The following ABCA13 variants were observed in gnomAD, a reference collection of about 807,000 sequenced individuals.
ABCA13 encodes the protein ATP-binding cassette sub-family A member 13.
ABCA13 carries 476 observed loss-of-function variants against 478.7 expected under a neutral mutation model. The ratio of observed to expected loss-of-function variants is 0.99; its 90% confidence interval spans 0.92 to 1.07. ABCA13 has a LOEUF of 1.07. Among genes scored for constraint, ABCA13 ranks in the 50% least tolerant of loss-of-function variants. The pLI is 0.00. For synonymous variants in ABCA13, 2,252 were observed against 2,158.9 expected, an observed-to-expected ratio of 1.04 and a Z score of -1.20; for missense variants, 6,060 against 5,910.6, an observed-to-expected ratio of 1.03 and a Z score of -0.83.
At chr7:48,620,560 T>C (rs951819000) in intron 59 of ABCA13, among the ~76,000 whole-genome samples, 6 of 152,182 alleles carry the variant, frequency 3.9e-5, no homozygotes, top group African/African-American at 1.4e-4. Flanking sequence ...TCTCTTGACA[T>C]TGGCAAATGT....
intron 53 of ABCA13, among the ~76,000 whole-genome samples, chr7:48,521,695 A>T (rs35512908): frequency 0.084 from 12,773 of 152,206 alleles, 935 homozygotes; most frequent in African/African-American, 0.2. Context: ...TTTTTCTTTA[A>T]AGAGAAAAAT....
chr7:48,587,991 G>T (rs1039008928), intron 57 of ABCA13, among the ~76,000 whole-genome samples: 1 of 152,166 alleles, frequency 6.6e-6, no homozygotes, highest in African/African-American at 2.4e-5. Flanking sequence ...TGCATCTTTG[G>T]ACTTCACACC....
intron 23 of ABCA13, among the ~76,000 whole-genome samples, chr7:48,305,611 C>A (rs1041778166): frequency 6.6e-6 from 1 of 152,230 alleles, no homozygotes; most frequent in East Asian, 1.9e-4. Context: ...CTTTCCCAAC[C>A]TCTGAGTCTA....
chr7:48,297,069 A>G (rs1799481870), intron 21 of ABCA13, among the ~76,000 whole-genome samples, 163 bp from the exon 22 acceptor site: 1 of 152,156 alleles, frequency 6.6e-6, no homozygotes, highest in Non-Finnish European at 1.5e-5. Flanking sequence ...TCACATACAG[A>G]TGGTATTGGG....
At chr7:48,598,296 T>C (rs958887475) in intron 58 of ABCA13, among the ~76,000 whole-genome samples, 1 of 152,202 alleles carries the variant, frequency 6.6e-6, no homozygotes, top group African/African-American at 2.4e-5. Flanking sequence ...TATTCCACTA[T>C]CTGGATGTAC....
At chr7:48,245,311 C>T (rs891320193) in intron 11 of ABCA13, among the ~76,000 whole-genome samples, 14 of 152,164 alleles carry the variant, frequency 9.2e-5, no homozygotes, top group Admixed American at 2.6e-4. Context: ...AAAACTCATT[C>T]TCACTAGTCT....
intron 42 of ABCA13, among the ~76,000 whole-genome samples, chr7:48,446,384 C>G (rs896452172): frequency 2.9e-5 from 4 of 138,512 alleles, no homozygotes; most frequent in African/African-American, 1.1e-4. Context: ...TTGTCATGCC[C>G]TTTAAAAAAA....
intron 35 of ABCA13, among the ~76,000 whole-genome samples, chr7:48,387,484 A>C (rs542219492): frequency 2.0e-5 from 3 of 152,148 alleles, no homozygotes; most frequent in Non-Finnish European, 4.4e-5. Flanking sequence ...CAATCACAAA[A>C]TAGAAGGGCA....
At chr7:48,351,438 T>A (rs1259717779) in intron 30 of ABCA13, among the ~76,000 whole-genome samples, 2 of 152,240 alleles carry the variant, frequency 1.3e-5, no homozygotes, top group Admixed American at 6.5e-5. Context: ...ATATTCCGGA[T>A]GGAGACATCC....
intron 46 of ABCA13, among the ~76,000 whole-genome samples, chr7:48,482,134 C>A (rs1377486193): frequency 2.0e-5 from 3 of 151,698 alleles, no homozygotes; most frequent in African/African-American, 7.3e-5. Flanking sequence ...ATATAATTCC[C>A]ACCCAGGAAA....
chr7:48,284,701 A>T (rs1410991123), intron 19 of ABCA13, among the ~76,000 whole-genome samples: 3 of 152,206 alleles, frequency 2.0e-5, no homozygotes, highest in African/African-American at 7.2e-5. Context: ...TTGAGATTAC[A>T]TTAGTAACAG....
intron 47 of ABCA13, among the ~76,000 whole-genome samples, chr7:48,487,335 A>AAAAAAAC (rs1829422363): frequency 4.0e-5 from 2 of 49,882 alleles, no homozygotes; most frequent in African/African-American, 3.2e-4. Context: ...AAAACAAAAC[A>AAAAAAAC]AAAAAAACAA....
intron 23 of ABCA13, among the ~76,000 whole-genome samples, chr7:48,301,106 A>G (rs1800088851): frequency 1.3e-5 from 2 of 152,206 alleles, no homozygotes; most frequent in East Asian, 1.9e-4. Flanking sequence ...TGGAAGATGA[A>G]TATTTTTTCA....
At chr7:48,324,724 C>T (rs1203790301) in intron 27 of ABCA13, among the ~76,000 whole-genome samples, 1 of 152,214 alleles carries the variant, frequency 6.6e-6, no homozygotes, top group Admixed American at 6.5e-5. Context: ...TCAGCAGCCA[C>T]CTGTCCTCGG....
At chr7:48,521,348 A>G (rs1832532959) in intron 53 of ABCA13, among the ~76,000 whole-genome samples, 1 of 152,248 alleles carries the variant, frequency 6.6e-6, no homozygotes, top group African/African-American at 2.4e-5. Flanking sequence ...ATTAAGGATT[A>G]TAAAGACACA....
chr7:48,520,278 C>A lies in ABCA13; in HGVS notation c.14035C>A (p.Leu4679Ile). Residue 4679 changes from leucine (L) to isoleucine (I), a missense_variant, in exon 53 of 62, where the codon CTT becomes ATT. Leu to Ile is a conservative substitution (Grantham distance 5). Transcript: ENST00000435803. ...CTTGAGGGTTCTGCTACACTGGGAC[C>A]TTCTGCGATGGCCAAGGTGGGTTCT... is the stretch of plus-strand genomic sequence containing the variant. ...LLLRVLLHWD[L>I]LRWPRGHSTL... The A allele has an allele frequency of 6.2e-7, 1 of 1,611,598 alleles. No homozygotes were observed. The highest frequency in any genetic ancestry group is 8.5e-7 in the Non-Finnish European group (1 of 1,178,322).
chr7:48,309,033 G>GCACA (rs10523187), intron 23 of ABCA13, among the ~76,000 whole-genome samples: 7,471 of 138,062 alleles, frequency 0.054, 415 homozygotes, highest in African/African-American at 0.14. Context: ...ACACATGACT[G>GCACA]CACACACACA....
In ABCA13 at chr7:48,278,101, C is replaced by G; in HGVS notation, c.6907C>G (p.Pro2303Ala). 1 of 1,270,950 alleles carries G rather than the reference C, an allele frequency of 7.9e-7. No individual in the cohort carries two copies. Among genetic ancestry groups the G allele is most frequent in the Non-Finnish European group, 1.0e-6 (1 of 963,582 alleles). The allele number at this position is 1,270,950 out of a possible 1,614,324, so 78.7% of individuals were successfully genotyped here. A position where few individuals can be genotyped will look rare whatever the true frequency, so the allele number is the denominator to read the frequency against. Residue 2303 changes from proline to alanine, a missense_variant, in exon 18 of 62, where the codon CCA becomes GCA. Physicochemically the swap from Pro to Ala is conservative, Grantham distance 27 (BLOSUM62 -1). This residue lies in a region of ABCA13 where 4,423 missense variants were observed against 4,309.1 expected (regional missense o/e 1.03). Transcript: ENST00000435803. ...ATATATATATATTTACAGTTTTGTC[C>G]CAAAAGATAAAATTCTAGAAATTCT... ...KDVIAEMSFV[P>A]KDKILEILKL...
In ABCA13 at chr7:48,279,043, A is replaced by G. The variant is rs781585195; in HGVS notation, c.7849A>G (p.Met2617Val). 10 of 1,613,244 alleles carry G rather than the reference A, an allele frequency of 6.2e-6. No individual in the cohort carries two copies. Among genetic ancestry groups the G allele is most frequent in the Non-Finnish European group, 8.5e-6 (10 of 1,179,812 alleles). ...YISSNSDIFSMSPSILSYMNQ... is the reference protein window; with the variant it reads ...YISSNSDIFSVSPSILSYMNQ... Reference sequence around the variant, plus strand: ...ATCATCAAACTCTGATATTTTCAGTATGTCACCTAGCATACTCTCATATAT... The same window carrying G: ...ATCATCAAACTCTGATATTTTCAGTGTGTCACCTAGCATACTCTCATATAT... The change falls in exon 18 of 62, where the codon ATG (methionine) becomes GTG (valine). Residue 2617 changes from methionine to valine, a missense_variant. Physicochemically the swap from Met to Val is conservative, Grantham distance 21. Around this residue, in one of 3 missense-constraint regions of ABCA13, gnomAD observed 4,423 missense variants for 4,309.1 expected, o/e 1.03. Transcript: ENST00000435803.
Sources: allele counts gnomAD v4.1 joint callset (sites outside exome capture counted in the v4.1 genomes callset), GRCh38; gene constraint gnomAD v4.1.1; regional missense constraint gnomAD v4.1.1; transcripts MANE v1.5; gene names NCBI Gene and HGNC (gene_info 2026-07-23, HGNC 2026-07-21).